Variants in MID1 observed in about 807,000 individuals in gnomAD.
The protein encoded by MID1 is E3 ubiquitin-protein ligase Midline-1.
MID1 carries 7 observed loss-of-function variants against 40.4 expected under a neutral mutation model. The observed-to-expected ratio is 0.17, with a 90% CI of 0.10 to 0.33. The LOEUF is 0.33. Ranked by LOEUF, MID1 falls within the 10% of genes least tolerant of loss-of-function variation. The probability of loss-of-function intolerance (pLI) is 1.00; values close to 1 mark genes in which losing one functional copy is unlikely to be tolerated. For missense variants in MID1, 367 were observed against 558.5 expected (o/e 0.66, Z 3.46); for synonymous variants, 229 against 221.2 (o/e 1.04, Z -0.31).
chrX:10,485,528 A>C, intron 4 of MID1, among the ~76,000 whole-genome samples: 1 of 111,832 alleles, frequency 8.9e-6, no homozygotes. Context: ...TGAGATTACC[A>C]CATTGCAACT....
chrX:10,760,228 T>C (rs955604732), intron 1 of MID1, among the ~76,000 whole-genome samples: 1 of 111,664 alleles, frequency 9.0e-6, no homozygotes, highest in Non-Finnish European at 1.9e-5. Context: ...CTGCCTTTTA[T>C]AAATCTACAA....
At chrX:10,627,397 C>T (rs1395619864) in intron 1 of MID1, among the ~76,000 whole-genome samples, 1 of 111,932 alleles carries the variant, frequency 8.9e-6, no homozygotes, top group Non-Finnish European at 1.9e-5. Flanking sequence ...CACATGTAAC[C>T]AGAGATACAT....
At chrX:10,597,968 A>C (rs976070334) in intron 1 of MID1, among the ~76,000 whole-genome samples, 1 of 111,499 alleles carries the variant, frequency 9.0e-6, no homozygotes, top group South Asian at 3.8e-4. Flanking sequence ...GTTGAGTGAG[A>C]GGATGTTTTG....
chrX:10,526,199 G>A lies in MID1; in HGVS notation c.661-3012C>T, dbSNP rs998927207. Among the ~76,000 whole-genome samples the A allele has an allele frequency of 3.6e-5, 4 of 110,990 alleles. No homozygotes were observed. In the Admixed American group the frequency reaches 3.9e-4, roughly 11 times the overall value. Reference sequence around the variant, plus strand: ...GAATAACTTTTTCACTTAAAGAATGGGATACAAGAGGCTGAAGAGTCAGAG... The same window carrying A: ...GAATAACTTTTTCACTTAAAGAATGAGATACAAGAGGCTGAAGAGTCAGAG... On this transcript the variant is annotated intron_variant, in intron 2 of 9. Coordinates refer to ENST00000317552, the MANE Select transcript of MID1 (RefSeq NM_000381.4).
intron 1 of MID1, among the ~76,000 whole-genome samples, chrX:10,685,004 A>G (rs748339627): frequency 1.8e-5 from 2 of 111,641 alleles, no homozygotes; most frequent in Non-Finnish European, 3.8e-5. Context: ...TTCTTTTACT[A>G]AATAAAGTGT....
chrX:10,583,971 C>A (rs147988343), intron 1 of MID1, among the ~76,000 whole-genome samples: 1 of 108,732 alleles, frequency 9.2e-6, no homozygotes, highest in African/African-American at 3.4e-5. Flanking sequence ...GCAGAGGTTG[C>A]GGTGAGCAGA....
chrX:10,637,686 T>C (rs1006777145), intron 1 of MID1, among the ~76,000 whole-genome samples: 4 of 111,336 alleles, frequency 3.6e-5, no homozygotes, highest in Non-Finnish European at 7.5e-5. Context: ...GTTGAATTTA[T>C]AGAGCCCACT....
At chrX:10,817,512 T>TC (rs1569177846) in intron 1 of MID1, among the ~76,000 whole-genome samples, 5 of 91,741 alleles carry the variant, frequency 5.5e-5, no homozygotes, top group African/African-American at 2.0e-4. Context: ...TTTTCTTTTT[T>TC]TCTCTTTCTT....
At chrX:10,642,293 T>C (rs769512782) in intron 1 of MID1, among the ~76,000 whole-genome samples, 1,314 of 109,855 alleles carry the variant, frequency 0.012, 17 homozygotes, top group African/African-American at 0.027. Flanking sequence ...AAAATCTCCT[T>C]AAGCTGATAA....
At chrX:10,453,746 C>A (rs1253060565) in intron 9 of MID1, among the ~76,000 whole-genome samples, 1 of 112,154 alleles carries the variant, frequency 8.9e-6, no homozygotes, top group African/African-American at 3.2e-5. Context: ...AATATTGAAT[C>A]TCTGGCCCTT....
Position 10,763,565 on chromosome X carries a change from T to C in MID1, c.-187+69989A>G, listed in dbSNP as rs772692424. ...CACATTTTCTTAATCCAGTCTATCATTGATGAACATTTGGGTTGGTTCCAA... is the reference window on the plus strand; with the variant it reads ...CACATTTTCTTAATCCAGTCTATCACTGATGAACATTTGGGTTGGTTCCAA... On this transcript the variant is annotated intron_variant, in intron 1 of 10. Transcript: ENST00000380785. 2.7e-5 allele frequency among the ~76,000 whole-genome samples: 3 copies of C among 111,945 alleles called. No individual in the cohort carries two copies. The East Asian group carries it at 8.4e-4, about 31-fold the overall frequency.
At chrX:10,800,862 C>T (rs1476206702) in intron 1 of MID1, among the ~76,000 whole-genome samples, 1 of 111,622 alleles carries the variant, frequency 9.0e-6, no homozygotes, top group Non-Finnish European at 1.9e-5. Flanking sequence ...TACTGAGTGA[C>T]AGGAGTTTTA....
chrX:10,644,456 A>C (rs1187436982), intron 1 of MID1, among the ~76,000 whole-genome samples: 3 of 110,160 alleles, frequency 2.7e-5, no homozygotes, highest in African/African-American at 9.9e-5. Flanking sequence ...GGTTCCCACC[A>C]CGACATTTCT....
intron 1 of MID1, among the ~76,000 whole-genome samples, chrX:10,579,291 T>C (rs1451938479): frequency 3.6e-5 from 4 of 112,159 alleles, no homozygotes; most frequent in Admixed American, 9.5e-5. Flanking sequence ...GATTGTGCCC[T>C]GGAGAAAAGC....
At chrX:10,554,466 A>G (rs920035897) in intron 2 of MID1, among the ~76,000 whole-genome samples, 3 of 112,069 alleles carry the variant, frequency 2.7e-5, no homozygotes, top group Non-Finnish European at 3.8e-5. Context: ...AAGCAGCCCT[A>G]TGGCCTTGCC....
At chrX:10,729,051 T>G (rs2043421488) in intron 1 of MID1, among the ~76,000 whole-genome samples, 1 of 111,868 alleles carries the variant, frequency 8.9e-6, no homozygotes, top group Non-Finnish European at 1.9e-5. Flanking sequence ...TAGGAACTTC[T>G]CAATCCCCAC....
At chrX:10,533,002 C>A (rs1034319142) in intron 2 of MID1, among the ~76,000 whole-genome samples, 1 of 110,477 alleles carries the variant, frequency 9.1e-6, no homozygotes, top group Non-Finnish European at 1.9e-5. Context: ...GAATTCCCAA[C>A]CTCAGGTGAT....
chrX:10,679,320 A>T (rs2043043184), intron 1 of MID1, among the ~76,000 whole-genome samples: 1 of 111,680 alleles, frequency 9.0e-6, no homozygotes, highest in Non-Finnish European at 1.9e-5. Flanking sequence ...TTGCAAAAAC[A>T]GGAACTCTCG....
chrX:10,461,150 C>CAT (rs1280017480), intron 7 of MID1, among the ~76,000 whole-genome samples: 2 of 105,943 alleles, frequency 1.9e-5, no homozygotes, highest in African/African-American at 3.5e-5. Flanking sequence ...CACACACACA[C>CAT]ACACACACAC....
Sources: allele counts gnomAD v4.1 joint callset (sites outside exome capture counted in the v4.1 genomes callset), GRCh38; gene constraint gnomAD v4.1.1; transcripts MANE v1.5; gene names NCBI Gene and HGNC (gene_info 2026-07-23, HGNC 2026-07-21).